Variants in NSD3 observed in about 807,000 individuals in gnomAD.
The protein encoded by NSD3 is nuclear receptor binding SET domain protein 3.
In NSD3, 24 loss-of-function variants were observed where a neutral mutation model predicts 160.8. The ratio of observed to expected loss-of-function variants is 0.15; its 90% CI spans 0.11 to 0.21. NSD3 has a LOEUF of 0.21. Ranked by LOEUF, NSD3 falls within the 10% of genes least tolerant of loss-of-function variation. NSD3 has a pLI of 1.00. For missense variants in NSD3, 1,157 were observed against 1,735.9 expected, an observed-to-expected ratio of 0.67 and a Z score of 5.93; for synonymous variants, 520 against 600.0, an observed-to-expected ratio of 0.87 and a Z score of 1.95.
intron 3 of NSD3, among the ~76,000 whole-genome samples, chr8:38,338,248 C>T (rs931653725): frequency 2.7e-5 from 4 of 149,252 alleles, no homozygotes; most frequent in Non-Finnish European, 5.9e-5. Context: ...TGCAGTGAGT[C>T]GAGATTGCGC....
chr8:38,298,220 G>T (rs62503953), intron 15 of NSD3, among the ~76,000 whole-genome samples: 3 of 152,056 alleles, frequency 2.0e-5, no homozygotes, highest in African/African-American at 7.2e-5. Context: ...ATTTTATATA[G>T]GTACCAGCAA....
chr8:38,341,194 A>G lies in NSD3; in HGVS notation c.676-2587T>C, dbSNP rs184298944. ...GAAGAGAAAGATAAATAATAGTGTAAGTGTATATGTATTTTCAGATATGAA... is the reference window on the plus strand; with the variant it reads ...GAAGAGAAAGATAAATAATAGTGTAGGTGTATATGTATTTTCAGATATGAA... On this transcript the variant is annotated intron_variant, in intron 2 of 23. Coordinates refer to ENST00000317025, the MANE Select transcript of NSD3 (RefSeq NM_023034.2). 9.9e-5 allele frequency among the ~76,000 whole-genome samples: 15 copies of G among 152,280 alleles called. 1 individual carries two copies. The highest frequency in any genetic ancestry group is 3.4e-3 in the Middle Eastern group (1 of 294).
At position 38,316,825 on chromosome 8, in the gene NSD3, G is replaced by C. The variant is rs1279329429; in HGVS notation, c.1856-783C>G. 9.4e-7 allele frequency: 1 copy of C among 1,061,440 alleles called. No individual in the cohort carries two copies. Among genetic ancestry groups the C allele is most frequent in the Non-Finnish European group, 1.1e-6 (1 of 876,810 alleles). 65.8% of individuals were successfully genotyped at this position (1,061,440 alleles called of 1,614,324 possible). A position where few individuals can be genotyped will look rare whatever the true frequency, so the allele number is the denominator to read the frequency against. ...GTGTGGAATTGTTTTTTTTAAAACTGTGTGTAATACAAATCCAGCCAAAAC... is the reference window on the plus strand; with the variant it reads ...GTGTGGAATTGTTTTTTTTAAAACTCTGTGTAATACAAATCCAGCCAAAAC... On this transcript the variant is annotated intron_variant, in intron 9 of 23. Transcript: ENST00000317025. The surrounding 1 kb of genome is among the most constrained non-coding windows in gnomAD (Gnocchi z 4.5).
intron 12 of NSD3, among the ~76,000 whole-genome samples, chr8:38,312,287 A>T (rs950974878): frequency 7.2e-5 from 11 of 152,164 alleles, no homozygotes; most frequent in African/African-American, 2.7e-4. Flanking sequence ...TACTGATAAC[A>T]TCCCATACTT....
At chr8:38,289,343 C>CTT in intron 18 of NSD3, 50 bp downstream of exon 18, 1 of 1,495,114 alleles carries the variant, frequency 6.7e-7, no homozygotes. Context: ...TAAAGACTTA[C>CTT]TTTGTTTCTT....
rs562795464 is a variant in NSD3 at position 38,365,476 on chromosome 8, G to A, written c.-45+16323C>T. 5.9e-5 allele frequency among the ~76,000 whole-genome samples: 9 copies of A among 152,192 alleles called. No individual in the cohort carries two copies. The South Asian group carries it at 1.9e-3, about 32-fold the overall frequency. ...TAATACAATACAGGGACGGGGGGCT[G>A]GATTCTTTTCTTTGAAGACGGAGTC... is the stretch of plus-strand genomic sequence containing the variant. On this transcript the variant is annotated intron_variant, in intron 1 of 23. Coordinates refer to ENST00000317025, the MANE Select transcript of NSD3 (RefSeq NM_023034.2).
chr8:38,288,338 C>T lies in NSD3; in HGVS notation c.3501+149G>A. The T allele has an allele frequency of 8.7e-7, 1 of 1,144,406 alleles. No homozygotes were observed. Among genetic ancestry groups the T allele is most frequent in the South Asian group, 1.7e-5 (1 of 60,342 alleles). 70.9% of individuals were successfully genotyped at this position (1,144,406 alleles called of 1,614,324 possible). On this transcript the variant is annotated intron_variant, in intron 19 of 23. Coordinates refer to ENST00000317025, the MANE Select transcript of NSD3 (RefSeq NM_023034.2). This position sits in a 1 kb window ranked among gnomAD's most constrained non-coding sequence, Gnocchi z 4.5. Reference sequence around the variant, plus strand: ...ATCTTCTTCCTACTACTCTTCTTTGCTCAAGAAGTACCAAACTCTCAACAT... The same window carrying T: ...ATCTTCTTCCTACTACTCTTCTTTGTTCAAGAAGTACCAAACTCTCAACAT...
intron 1 of NSD3, among the ~76,000 whole-genome samples, chr8:38,363,522 G>A (rs1030953741): frequency 4.0e-5 from 6 of 151,680 alleles, no homozygotes; most frequent in Non-Finnish European, 1.5e-5. Flanking sequence ...CGTGCCTGTA[G>A]TCCCAGCTAC....
At chr8:38,323,821 CAAAAAAA>C (rs397891214) in intron 7 of NSD3, among the ~76,000 whole-genome samples, 1 of 72,240 alleles carries the variant, frequency 1.4e-5, no homozygotes, top group Non-Finnish European at 2.7e-5. Context: ...GACCCTGTCT[CAAAAAAA>C]AAAAAAAAAA....
At position 38,289,498 on chromosome 8, in the gene NSD3, T is replaced by C; in HGVS notation, c.3126A>G (p.Glu1042=). 6.2e-7 allele frequency: 1 copy of C among 1,613,394 alleles called. No homozygotes were observed. The highest frequency in any genetic ancestry group is 1.1e-5 in the South Asian group (1 of 90,928). Residue 1042 remains glutamate, a synonymous_variant, in exon 18 of 24, where the codon GAA becomes GAG. Transcript: ENST00000317025. ...ATTCCTGGAAACGTTTTGCAGCTTC[T>C]TCCAGTGCTGCCAATAAGATGATAC... The part of the protein sequence containing the change: ...SINKTFKKAL[E]EAAKRFQELK...
chr8:38,278,511 G>T, intron 21 of NSD3, 99 bp from the exon 22 acceptor site: 2 of 1,024,838 alleles, frequency 2.0e-6, no homozygotes, highest in South Asian at 1.8e-5. Flanking sequence ...ACATCATTTT[G>T]GCATGAAGGC....
chr8:38,317,534 G>A lies in NSD3; in HGVS notation c.1855+1361C>T, dbSNP rs1328646348. ...ACAGACTGCCAAAGACAGCTGTCAT[G>A]CTGTTCTCCATGATAACGGCACTAA... On this transcript the variant is annotated intron_variant, in intron 9 of 23. Transcript: ENST00000317025. This position sits in a 1 kb window ranked among gnomAD's most constrained non-coding sequence, Gnocchi z 5.3. 1.9e-6 allele frequency: 2 copies of A among 1,064,050 alleles called. No individual in the cohort carries two copies. The highest frequency in any genetic ancestry group is 1.1e-6 in the Non-Finnish European group (1 of 878,474). 65.9% of individuals were successfully genotyped at this position (1,064,050 alleles called of 1,614,324 possible). A position where few individuals can be genotyped will look rare whatever the true frequency, so the allele number is the denominator to read the frequency against.
chr8:38,285,092 C>T (rs888214592), intron 19 of NSD3, among the ~76,000 whole-genome samples: 2 of 151,644 alleles, frequency 1.3e-5, no homozygotes, highest in Non-Finnish European at 2.9e-5. Context: ...CCTGAAAGAC[C>T]GCAGCAAAGA....
rs1390602114 is a variant in NSD3 at position 38,318,754 on chromosome 8, G to C, written c.1855+141C>G. The C allele has an allele frequency of 1.4e-6, 1 of 738,048 alleles. No homozygotes were observed. Among genetic ancestry groups the C allele is most frequent in the Non-Finnish European group, 2.3e-6 (1 of 428,988 alleles). 45.7% of individuals were successfully genotyped at this position (738,048 alleles called of 1,614,324 possible). A position where few individuals can be genotyped will look rare whatever the true frequency, so the allele number is the denominator to read the frequency against. The stretch of plus-strand genomic sequence containing the variant: ...AACTCTAAAAGTCACACACACACAC[G>C]AACACTGGGGAATACTGCAATTTCA... On this transcript the variant is annotated intron_variant, in intron 9 of 23. Transcript: ENST00000317025. This position sits in a 1 kb window ranked among gnomAD's most constrained non-coding sequence, Gnocchi z 5.3.
At chr8:38,281,296 T>G (rs1808726870) in intron 20 of NSD3, among the ~76,000 whole-genome samples, 171 bp downstream of exon 20, 1 of 152,196 alleles carries the variant, frequency 6.6e-6, no homozygotes, top group Non-Finnish European at 1.5e-5. Context: ...TCATTCATTT[T>G]TTTACTCTGG....
rs59402456 is a variant in NSD3, at chr8:38,355,410, TAA to T, written c.-44-7197_-44-7196del. 6.0e-4 allele frequency among the ~76,000 whole-genome samples: 86 copies of T among 144,052 alleles called. 1 individual carries two copies. The highest frequency in any genetic ancestry group is 3.7e-3 in the Middle Eastern group (1 of 270). 94.5% of individuals were successfully genotyped at this position (144,052 alleles called of 152,430 possible). ...TGGGCATACAGAACTGCTAAAAAGT[TAA>T]AAAAAAAAAAAAATCACTGACCTAA... is the stretch of plus-strand genomic sequence containing the variant. On this transcript the variant is annotated intron_variant, in intron 1 of 23. Coordinates refer to ENST00000317025, the MANE Select transcript of NSD3 (RefSeq NM_023034.2).
intron 2 of NSD3, among the ~76,000 whole-genome samples, chr8:38,342,051 G>T (rs1810383687): frequency 6.6e-6 from 1 of 152,012 alleles, no homozygotes. Context: ...CCTTCAGGCT[G>T]GTTTGAAACA....
At chr8:38,280,730 T>G (rs1373502575) in intron 20 of NSD3, among the ~76,000 whole-genome samples, 1 of 152,152 alleles carries the variant, frequency 6.6e-6, no homozygotes, top group East Asian at 1.9e-4. Context: ...ACTGTCATTT[T>G]TCTTATGACA....
chr8:38,380,406 G>A (rs1811507422), intron 1 of NSD3, among the ~76,000 whole-genome samples: 1 of 152,142 alleles, frequency 6.6e-6, no homozygotes, highest in Non-Finnish European at 1.5e-5. Flanking sequence ...TAAAATAACC[G>A]ATGCAATTTC....
Sources: gnomAD v4.1 joint callset for allele counts (sites outside exome capture counted in the v4.1 genomes callset) on GRCh38, gnomAD v4.1.1 for gene constraint, Gnocchi (gnomAD v3.1) non-coding constraint, MANE v1.5 for transcripts, NCBI Gene and HGNC (gene_info 2026-07-23, HGNC 2026-07-21) for gene names.